Variants in ATG7 observed in about 807,000 individuals in gnomAD.
ATG7 encodes ubiquitin-like modifier-activating enzyme ATG7.
Under a neutral mutation model 82.4 loss-of-function variants are expected in ATG7, and 70 were observed. The observed-to-expected ratio is 0.85, with a 90% CI of 0.70 to 1.04. The LOEUF is 1.04. Among genes scored for constraint, ATG7 ranks in the 50% least tolerant of loss-of-function variants. The probability of loss-of-function intolerance (pLI) is 0.00; values close to 1 mark genes in which losing one functional copy is unlikely to be tolerated. For missense variants in ATG7, 792 were observed against 864.3 expected (o/e 0.92, Z 1.05); for synonymous variants, 287 against 313.0 (o/e 0.92, Z 0.88).
chr3:11,443,809 T>C (rs1403514747), intron 20 of ATG7, among the ~76,000 whole-genome samples: 1 of 152,196 alleles, frequency 6.6e-6, no homozygotes, highest in African/African-American at 2.4e-5. Flanking sequence ...TTTTCTCTTA[T>C]ATTTTAATAT....
At chr3:11,550,952 T>TAAAA (rs2071719022) in intron 20 of ATG7, among the ~76,000 whole-genome samples, 2 of 152,116 alleles carry the variant, frequency 1.3e-5, no homozygotes, top group Non-Finnish European at 2.9e-5. Context: ...TTTGGATTTT[T>TAAAA]ATCCCATTTG....
chr3:11,451,247 T>C (rs1161105870), intron 20 of ATG7, among the ~76,000 whole-genome samples: 1 of 150,254 alleles, frequency 6.7e-6, no homozygotes, highest in Non-Finnish European at 1.5e-5. Flanking sequence ...TATATCACTC[T>C]GTCACCCAGG....
rs1203239812 is a variant in ATG7 at position 11,333,060 on chromosome 3, G to A, written c.856G>A (p.Glu286Lys). 5.1e-6 allele frequency: 8 copies of A among 1,562,684 alleles called. No individual in the cohort carries two copies. The highest frequency in any genetic ancestry group is 4.2e-5 in the African/African-American group (3 of 72,114). ...AGACGTTGCCCACAGCATCATCTTC[G>A]AAGTGAAGCTTCCAGAAATGGCATT... is the stretch of plus-strand genomic sequence containing the variant. ...ARDVAHSIIF[E>K]VKLPEMAFSP... Residue 286 changes from glutamate (E) to lysine (K), a missense_variant, in exon 11 of 21, where the codon GAA becomes AAA. Glu to Lys is a moderately conservative substitution (Grantham distance 56, BLOSUM62 1). Transcript: ENST00000693202.
At chr3:11,420,373 T>TG (rs2081826984) in intron 19 of ATG7, among the ~76,000 whole-genome samples, 1 of 152,320 alleles carries the variant, frequency 6.6e-6, no homozygotes, top group Non-Finnish European at 1.5e-5. Context: ...ATTCTGCCCT[T>TG]GCTGTTAGTT....
intron 19 of ATG7, among the ~76,000 whole-genome samples, chr3:11,422,864 C>T (rs1467624278): frequency 6.9e-6 from 1 of 144,384 alleles, no homozygotes; most frequent in Non-Finnish European, 1.5e-5. Flanking sequence ...AAGTGATTCT[C>T]TTGCCTCAGC....
At chr3:11,364,902 C>T (rs747226836) in intron 18 of ATG7, among the ~76,000 whole-genome samples, 168 bp downstream of exon 18, 8 of 152,156 alleles carry the variant, frequency 5.3e-5, no homozygotes, top group Admixed American at 2.6e-4. Flanking sequence ...TTCCATTCTG[C>T]GGGATAGTGA....
chr3:11,281,381 G>C (rs575949565), intron 2 of ATG7, among the ~76,000 whole-genome samples: 6 of 152,348 alleles, frequency 3.9e-5, no homozygotes, highest in Admixed American at 2.0e-4. Context: ...TTTTCTGATT[G>C]TACAAAGGTG....
At chr3:11,573,264 AAAG>A in the ATG7 span, among the ~76,000 whole-genome samples, 1 of 19,868 alleles carries the variant, frequency 5.0e-5, no homozygotes, top group Non-Finnish European at 7.4e-5. Flanking sequence ...AGAAAGAAAG[AAAG>A]AAAGAAAGAA....
chr3:11,551,612 TAGAG>T (rs1575300970), intron 20 of ATG7, among the ~76,000 whole-genome samples: 1 of 152,236 alleles, frequency 6.6e-6, no homozygotes, highest in African/African-American at 2.4e-5. Context: ...TTTATTTTTA[TAGAG>T]AGAGGGTCTT....
chr3:11,360,633 G>A lies in ATG7; in HGVS notation c.1532G>A (p.Gly511Asp), dbSNP rs2152811529. ...GFDTFVVMRH[G>D]LKKPKQQGAG... is the part of the protein sequence containing the mutation. ...GACACATTTGTTGTCATGAGACATG[G>A]TCTGAAGAAACCAAAGCAGCAAGGA... Residue 511 changes from glycine (G) to aspartate (D), a missense_variant, in exon 16 of 21, where the codon GGT (glycine) becomes GAT (aspartate). Gly to Asp is a moderately conservative substitution (Grantham distance 94). Transcript: ENST00000693202. 2.3e-5 allele frequency: 37 copies of A among 1,614,162 alleles called. No individual in the cohort carries two copies. Among genetic ancestry groups the A allele is most frequent in the Non-Finnish European group, 3.1e-5 (36 of 1,180,030 alleles).
At chr3:11,325,286 T>C (rs913093121) in intron 9 of ATG7, among the ~76,000 whole-genome samples, 3 of 152,212 alleles carry the variant, frequency 2.0e-5, no homozygotes, top group Non-Finnish European at 4.4e-5. Flanking sequence ...GTCAATGAAG[T>C]TACTGCAAGA....
chr3:11,423,450 C>A (rs574372212), intron 19 of ATG7, among the ~76,000 whole-genome samples: 2 of 152,140 alleles, frequency 1.3e-5, no homozygotes, highest in Non-Finnish European at 2.9e-5. Context: ...TTGCTCAATG[C>A]GGGGTTGCCA....
intron 3 of ATG7, among the ~76,000 whole-genome samples, chr3:11,291,190 A>G (rs1944930891): frequency 6.6e-6 from 1 of 152,182 alleles, no homozygotes; most frequent in Non-Finnish European, 1.5e-5. Flanking sequence ...ATATGTAGGG[A>G]CTTGATGATC....
At chr3:11,493,675 A>G (rs1408024960) in intron 20 of ATG7, among the ~76,000 whole-genome samples, 2 of 152,194 alleles carry the variant, frequency 1.3e-5, no homozygotes, top group East Asian at 1.9e-4. Context: ...TAACCAGGTA[A>G]AACACAGCAG....
intron 20 of ATG7, among the ~76,000 whole-genome samples, chr3:11,492,096 G>T (rs1043970713): frequency 6.6e-6 from 1 of 152,184 alleles, no homozygotes; most frequent in Non-Finnish European, 1.5e-5. Context: ...TCAGACTGCT[G>T]TGCTAGCAAT....
chr3:11,398,809 C>T (rs1457421148), intron 19 of ATG7, among the ~76,000 whole-genome samples: 3 of 152,172 alleles, frequency 2.0e-5, no homozygotes, highest in Non-Finnish European at 4.4e-5. Context: ...TCTGATCATG[C>T]CACTGCACTC....
chr3:11,423,753 C>T (rs891869871), intron 19 of ATG7, among the ~76,000 whole-genome samples: 3 of 152,150 alleles, frequency 2.0e-5, no homozygotes, highest in African/African-American at 7.2e-5. Flanking sequence ...TCCTAACAGC[C>T]TGCAGGTCTT....
At chr3:11,446,356 C>A (rs1576464955) in intron 20 of ATG7, among the ~76,000 whole-genome samples, 1 of 151,858 alleles carries the variant, frequency 6.6e-6, no homozygotes, top group East Asian at 1.9e-4. Flanking sequence ...TTGTCTGCAC[C>A]CTGAATTAAG....
intron 20 of ATG7, among the ~76,000 whole-genome samples, chr3:11,448,140 C>G (rs762349883): frequency 6.6e-6 from 1 of 152,188 alleles, no homozygotes. Flanking sequence ...ACCACAGATA[C>G]CAGAAAAGAA....
Sources: allele counts gnomAD v4.1 joint callset (sites outside exome capture counted in the v4.1 genomes callset), GRCh38; gene constraint gnomAD v4.1.1; transcripts MANE v1.5; gene names NCBI Gene and HGNC (gene_info 2026-07-23, HGNC 2026-07-21).